NRF1: variants seen among roughly 807,000 people sequenced by gnomAD.
The protein encoded by NRF1 is alpha palindromic-binding protein.
In NRF1, 5 loss-of-function variants were observed where a neutral mutation model predicts 58.5. The observed-to-expected ratio is 0.09, with a 90% CI of 0.04 to 0.18. The LOEUF is 0.18. NRF1 is among the 10% of genes least tolerant of loss of function. The probability of loss-of-function intolerance (pLI) is 1.00; values close to 1 mark genes in which losing one functional copy is unlikely to be tolerated. For missense variants in NRF1, 288 were observed against 657.7 expected (o/e 0.44, Z 6.15); for synonymous variants, 224 against 246.7 (o/e 0.91, Z 0.86).
chr7:129,722,259 T>G (rs1300295831), intron 9 of NRF1, among the ~76,000 whole-genome samples: 1 of 151,854 alleles, frequency 6.6e-6, no homozygotes, highest in Non-Finnish European at 1.5e-5. Context: ...GGCGTGGTGG[T>G]GCATGCCTGT....
intron 4 of NRF1, among the ~76,000 whole-genome samples, chr7:129,686,538 A>C (rs1802447292): frequency 6.6e-6 from 1 of 152,242 alleles, no homozygotes; most frequent in Non-Finnish European, 1.5e-5. Flanking sequence ...AAAGTTACTT[A>C]AGTTTATTAA....
At chr7:129,616,640 T>A (rs1440924517) in intron 1 of NRF1, among the ~76,000 whole-genome samples, 1 of 152,196 alleles carries the variant, frequency 6.6e-6, no homozygotes, top group African/African-American at 2.4e-5. Context: ...ACCACATTTG[T>A]AATCTCTTGA....
At position 129,756,677 on chromosome 7, in the gene NRF1, A is replaced by G. The variant is rs1804267325; in HGVS notation, c.*1496A>G. On this transcript the variant is annotated 3_prime_UTR_variant, in exon 11 of 11. Transcript: ENST00000393232. Reference sequence around the variant, plus strand: ...TCCCCATGTGTGTGATGGTGTATTTAATGTGTTTTTTTAATGCGACATTAA... The same window carrying G: ...TCCCCATGTGTGTGATGGTGTATTTGATGTGTTTTTTTAATGCGACATTAA... The G allele has an allele frequency of 6.6e-6, 1 of 152,526 alleles. No individual in the cohort carries two copies. Among genetic ancestry groups the G allele is most frequent in the Admixed American group, 6.6e-5 (1 of 15,262 alleles). The allele number at this position is 152,526 out of a possible 1,614,324, so 9.4% of individuals were successfully genotyped here.
intron 10 of NRF1, among the ~76,000 whole-genome samples, chr7:129,752,372 TG>T (rs202219486): frequency 1.1e-4 from 9 of 85,026 alleles, no homozygotes; most frequent in Non-Finnish European, 1.5e-4. Flanking sequence ...AGTCTGGGGG[TG>T]GGGGGCACCT....
rs1264725908 is a variant in NRF1 at position 129,722,921 on chromosome 7, G to A, written c.1224-4320G>A. Among the ~76,000 whole-genome samples the A allele has an allele frequency of 2.0e-5, 3 of 152,138 alleles. No individual in the cohort carries two copies. The East Asian group carries it at 5.8e-4, about 29-fold the overall frequency. ...ACAGGAAATAAGCAGTCACTGAGGT[G>A]ACCTATAAACAAAGATCCTAATTCC... is the stretch of plus-strand genomic sequence containing the variant. On this transcript the variant is annotated intron_variant, in intron 9 of 10. Coordinates refer to ENST00000393232, the MANE Select transcript of NRF1 (RefSeq NM_005011.5).
At chr7:129,656,094 C>T (rs1356934410) in intron 1 of NRF1, among the ~76,000 whole-genome samples, 1 of 151,644 alleles carries the variant, frequency 6.6e-6, no homozygotes, top group Non-Finnish European at 1.5e-5. Context: ...TCAAGAATAG[C>T]TGGATCATGT....
intron 1 of NRF1, among the ~76,000 whole-genome samples, chr7:129,617,718 G>A (rs1800686536): frequency 6.6e-6 from 1 of 152,272 alleles, no homozygotes; most frequent in Non-Finnish European, 1.5e-5. Flanking sequence ...TAGGAGGAGG[G>A]AGAAATTCCT....
chr7:129,650,984 T>C (rs1427162328), intron 1 of NRF1, among the ~76,000 whole-genome samples: 3 of 152,232 alleles, frequency 2.0e-5, no homozygotes, highest in Non-Finnish European at 4.4e-5. Context: ...TCATATGTCA[T>C]ATCAGTCATA....
In NRF1 at chr7:129,708,114, G is replaced by T. The variant is rs1445306902; in HGVS notation, c.607-961G>T. 6.6e-5 allele frequency among the ~76,000 whole-genome samples: 10 copies of T among 152,292 alleles called. No individual in the cohort carries two copies. In the South Asian group the frequency reaches 1.9e-3, roughly 28 times the overall value. On this transcript the variant is annotated intron_variant, in intron 5 of 10. Coordinates refer to ENST00000393232, the MANE Select transcript of NRF1 (RefSeq NM_005011.5). Reference sequence around the variant, plus strand: ...TTTCAGCTGCAGGGGCAGTATGGGTGCATCCTTAGTTGCAGGATGCTACTT... The same window carrying T: ...TTTCAGCTGCAGGGGCAGTATGGGTTCATCCTTAGTTGCAGGATGCTACTT...
chr7:129,662,607 T>C (rs1801811389), intron 2 of NRF1, among the ~76,000 whole-genome samples: 1 of 152,166 alleles, frequency 6.6e-6, no homozygotes, highest in Admixed American at 6.5e-5. Context: ...CTGGATGCTG[T>C]GTTTGGAAAA....
intron 4 of NRF1, among the ~76,000 whole-genome samples, chr7:129,686,101 C>CAAAAA (rs540355035): frequency 3.5e-5 from 2 of 57,772 alleles, no homozygotes; most frequent in Non-Finnish European, 3.8e-5. Context: ...GACTGTATCT[C>CAAAAA]AAAAAAAAAA....
At chr7:129,631,332 A>G (rs1173510254) in intron 1 of NRF1, among the ~76,000 whole-genome samples, 1 of 151,350 alleles carries the variant, frequency 6.6e-6, no homozygotes, top group Non-Finnish European at 1.5e-5. Flanking sequence ...CAGTCCTTCC[A>G]CCTGAGCCTC....
chr7:129,623,342 A>T (rs1353873300), intron 1 of NRF1, among the ~76,000 whole-genome samples: 1 of 150,976 alleles, frequency 6.6e-6, no homozygotes, highest in Non-Finnish European at 1.5e-5. Flanking sequence ...AAGTATTAGT[A>T]GTAGCAATAG....
chr7:129,654,131 G>A (rs528350116), intron 1 of NRF1, among the ~76,000 whole-genome samples: 18 of 152,290 alleles, frequency 1.2e-4, no homozygotes, highest in African/African-American at 4.3e-4. Flanking sequence ...CCTCAACAGC[G>A]TTTGGTGTTG....
intron 1 of NRF1, among the ~76,000 whole-genome samples, chr7:129,615,592 A>C (rs935691549): frequency 6.6e-6 from 1 of 152,232 alleles, no homozygotes; most frequent in Admixed American, 6.5e-5. Context: ...TTTCAGCCTG[A>C]GCTTACCCAA....
intron 1 of NRF1, among the ~76,000 whole-genome samples, chr7:129,613,217 T>A (rs1415672777): frequency 6.6e-6 from 1 of 152,198 alleles, no homozygotes; most frequent in South Asian, 2.1e-4. Context: ...CCTAGCCTTT[T>A]AAAAAATTAT....
At chr7:129,636,418 G>C (rs943822122) in intron 1 of NRF1, among the ~76,000 whole-genome samples, 3 of 152,116 alleles carry the variant, frequency 2.0e-5, no homozygotes, top group African/African-American at 7.2e-5. Context: ...ATTTTTAGTA[G>C]AGATGGGGTC....
At chr7:129,669,713 A>G (rs1375504474) in intron 2 of NRF1, among the ~76,000 whole-genome samples, 1 of 152,188 alleles carries the variant, frequency 6.6e-6, no homozygotes, top group African/African-American at 2.4e-5. Context: ...GTCGTAGAGC[A>G]ACTGGAACCC....
At chr7:129,614,443 T>TTGTGTTTGTG (rs1554400865) in intron 1 of NRF1, among the ~76,000 whole-genome samples, 2 of 145,746 alleles carry the variant, frequency 1.4e-5, no homozygotes, top group Non-Finnish European at 3.0e-5. Flanking sequence ...AAATATGTAT[T>TTGTGTTTGTG]TGTGTGTGTG....
Sources: gnomAD v4.1 joint callset for allele counts (sites outside exome capture counted in the v4.1 genomes callset) on GRCh38, gnomAD v4.1.1 for gene constraint, MANE v1.5 for transcripts, NCBI Gene and HGNC (gene_info 2026-07-23, HGNC 2026-07-21) for gene names.